The following PAPPA variants were observed in gnomAD, a reference collection of about 807,000 sequenced individuals.
PAPPA encodes pappalysin-1.
A neutral mutation model predicts 164.0 loss-of-function variants in PAPPA; 60 were observed. The observed-to-expected ratio is 0.37, with a 90% confidence interval of 0.30 to 0.45. PAPPA has a LOEUF of 0.45. Among genes scored for constraint, PAPPA ranks in the 20% least tolerant of loss-of-function variants. PAPPA has a pLI of 1.00. For synonymous variants in PAPPA, 875 were observed against 814.1 expected (o/e 1.07, Z -1.27); for missense variants, 1,782 against 2,087.3 (o/e 0.85, Z 2.85).
At position 116,220,000 on chromosome 9, in the gene PAPPA, T is replaced by C; in HGVS notation, c.1982T>C (p.Leu661Pro). The C allele has an allele frequency of 6.2e-7, 1 of 1,614,122 alleles. No individual in the cohort carries two copies. The highest frequency in any genetic ancestry group is 8.5e-7 in the Non-Finnish European group (1 of 1,179,994). ...GCCAGAATGCACTGTTACCTGGACCTGGTCTACCAGGGCTGGCAGCCCTCC... is the reference window on the plus strand; with the variant it reads ...GCCAGAATGCACTGTTACCTGGACCCGGTCTACCAGGGCTGGCAGCCCTCC... ...QVARMHCYLD[L>P]VYQGWQPSRK... is the part of the protein sequence containing the mutation. The change falls in exon 5 of 22, where the codon CTG (leucine) becomes CCG (proline). Residue 661 changes from leucine to proline, a missense_variant. By Grantham distance (98) the Leu-to-Pro change is moderately conservative. Around this residue, in one of 2 missense-constraint regions of PAPPA, gnomAD observed 1,324 missense variants for 1,656.9 expected, o/e 0.80. Transcript: ENST00000328252.
In PAPPA at chr9:116,378,656, G is replaced by C. The variant is rs553079535; in HGVS notation, c.4677+1009G>C. ...AAAATTTGATGGAATGCCAAAACTG[G>C]GAAGGCTCTTAATTTGATCTAGCTC... On this transcript the variant is annotated intron_variant, in intron 20 of 21. Coordinates refer to ENST00000328252, the MANE Select transcript of PAPPA (RefSeq NM_002581.5). 2.0e-5 allele frequency among the ~76,000 whole-genome samples: 3 copies of C among 152,270 alleles called. No homozygotes were observed. The East Asian group carries it at 5.8e-4, about 29-fold the overall frequency.
chr9:116,334,703 A>G (rs764767754), intron 12 of PAPPA, among the ~76,000 whole-genome samples, 158 bp from the exon 13 acceptor site: 47 of 152,146 alleles, frequency 3.1e-4, no homozygotes, highest in Non-Finnish European at 6.0e-4. Context: ...AGACAAAGAA[A>G]CTTTCAATCA....
chr9:116,355,677 CA>C (rs1846344606), intron 17 of PAPPA, among the ~76,000 whole-genome samples: 1 of 152,188 alleles, frequency 6.6e-6, no homozygotes. Flanking sequence ...GTCATGTTAT[CA>C]AACTGAAACT....
At chr9:116,172,169 T>C (rs569576925) in intron 1 of PAPPA, among the ~76,000 whole-genome samples, 29 of 152,324 alleles carry the variant, frequency 1.9e-4, no homozygotes, top group African/African-American at 6.5e-4. Flanking sequence ...ATTTTCCAGA[T>C]GAAAGATGAG....
chr9:116,369,550 C>G (rs1456767870), intron 19 of PAPPA, among the ~76,000 whole-genome samples: 2 of 152,128 alleles, frequency 1.3e-5, no homozygotes, highest in Non-Finnish European at 2.9e-5. Flanking sequence ...TTGACTCACA[C>G]ACAAAACAGA....
At chr9:116,188,958 T>A (rs1844011162) in intron 2 of PAPPA, among the ~76,000 whole-genome samples, 1 of 152,216 alleles carries the variant, frequency 6.6e-6, no homozygotes, top group Non-Finnish European at 1.5e-5. Flanking sequence ...CTCAATAGTA[T>A]GTCTGTCATT....
At chr9:116,233,408 G>C (rs1844621927) in intron 6 of PAPPA, among the ~76,000 whole-genome samples, 1 of 152,200 alleles carries the variant, frequency 6.6e-6, no homozygotes, top group African/African-American at 2.4e-5. Flanking sequence ...CTCAGTGTGT[G>C]GGAAAGTAGA....
At chr9:116,329,993 G>T (rs1379598963) in intron 10 of PAPPA, among the ~76,000 whole-genome samples, 1 of 152,008 alleles carries the variant, frequency 6.6e-6, no homozygotes, top group East Asian at 1.9e-4. Flanking sequence ...CTTAATCCTT[G>T]TATATACTTT....
chr9:116,312,288 CTTTTTT>C (rs5900201), intron 10 of PAPPA, among the ~76,000 whole-genome samples: 5 of 129,630 alleles, frequency 3.9e-5, no homozygotes, highest in Admixed American at 1.6e-4. Context: ...TTCTTTCTTT[CTTTTTT>C]TTTTTTTTTT....
At position 116,187,458 on chromosome 9, in the gene PAPPA, A is replaced by G; in HGVS notation, c.720A>G (p.Leu240=). 6.2e-7 allele frequency: 1 copy of G among 1,614,184 alleles called. No individual in the cohort carries two copies. The highest frequency in any genetic ancestry group is 8.5e-7 in the Non-Finnish European group (1 of 1,180,046). Residue 240 remains leucine (L), a synonymous_variant, in exon 2 of 22, where the codon TTA becomes TTG. Coordinates refer to ENST00000328252, the MANE Select transcript of PAPPA (RefSeq NM_002581.5). The surrounding 1 kb of genome is among the most constrained non-coding windows in gnomAD (Gnocchi z 4.2). The part of the protein sequence containing the change: ...PLTQKCKVLM[L]GGSALNHNYR... ...CCCAGAAGTGCAAAGTGCTCATGTT[A>G]GGGGGCAGTGCCCTGAATCACAACT... is the stretch of plus-strand genomic sequence containing the variant.
chr9:116,242,637 C>T (rs10983086), intron 7 of PAPPA, among the ~76,000 whole-genome samples: 2 of 152,312 alleles, frequency 1.3e-5, no homozygotes, highest in East Asian at 1.9e-4. Context: ...TGAGCATTCT[C>T]GTACAAACAT....
intron 10 of PAPPA, among the ~76,000 whole-genome samples, chr9:116,320,858 G>C (rs1845846118): frequency 6.6e-6 from 1 of 152,106 alleles, no homozygotes; most frequent in Non-Finnish European, 1.5e-5. Context: ...AGGCATAAGA[G>C]GGAAGCAGGG....
chr9:116,212,533 G>A (rs1844321045), intron 4 of PAPPA, among the ~76,000 whole-genome samples: 1 of 152,116 alleles, frequency 6.6e-6, no homozygotes, highest in African/African-American at 2.4e-5. Flanking sequence ...AAGAGTTTTT[G>A]TGTTAGTCAC....
chr9:116,153,827 G>A lies in PAPPA; in HGVS notation c.-346G>A, dbSNP rs1843562760. 1 of 155,700 alleles carries A rather than the reference G, an allele frequency of 6.4e-6. No homozygotes were observed. The highest frequency in any genetic ancestry group is 2.4e-5 in the African/African-American group (1 of 41,358). The allele number at this position is 155,700 out of a possible 1,614,324, so 9.6% of individuals were successfully genotyped here. On this transcript the variant is annotated 5_prime_UTR_variant, in exon 1 of 22. Coordinates refer to ENST00000328252, the MANE Select transcript of PAPPA (RefSeq NM_002581.5). ...TGGGGGGAGGGAATTCAGCGGATCA[G>A]TCTTAAGAGGAGCTTTTTTTTGGAG...
At chr9:116,207,818 A>T (rs181549252) in intron 3 of PAPPA, among the ~76,000 whole-genome samples, 3 of 152,348 alleles carry the variant, frequency 2.0e-5, no homozygotes, top group African/African-American at 7.2e-5. Flanking sequence ...CCATATTATT[A>T]ACCATGTTTT....
intron 4 of PAPPA, among the ~76,000 whole-genome samples, chr9:116,217,342 T>G (rs1050244945): frequency 1.3e-5 from 2 of 152,180 alleles, no homozygotes; most frequent in South Asian, 2.1e-4. Context: ...ACGAGGGAAC[T>G]GAGTCTTCAA....
At chr9:116,297,584 A>G (rs753170323) in intron 9 of PAPPA, among the ~76,000 whole-genome samples, 1 of 152,174 alleles carries the variant, frequency 6.6e-6, no homozygotes, top group African/African-American at 2.4e-5. Context: ...TTGTCCACCA[A>G]TTGTGTTGAA....
chr9:116,215,337 T>C (rs937844561), intron 4 of PAPPA, among the ~76,000 whole-genome samples: 2 of 152,174 alleles, frequency 1.3e-5, no homozygotes, highest in Non-Finnish European at 2.9e-5. Flanking sequence ...CACTTAGAAC[T>C]GTTGTTGTTC....
At chr9:116,239,536 G>A (rs1389514550) in intron 7 of PAPPA, among the ~76,000 whole-genome samples, 1 of 152,126 alleles carries the variant, frequency 6.6e-6, no homozygotes, top group Non-Finnish European at 1.5e-5. Flanking sequence ...GTACCCAGAG[G>A]AAACCTCACT....
Sources: gnomAD v4.1 joint callset for allele counts (sites outside exome capture counted in the v4.1 genomes callset) on GRCh38, gnomAD v4.1.1 for gene constraint, gnomAD v4.1.1 regional missense constraint, Gnocchi (gnomAD v3.1) non-coding constraint, MANE v1.5 for transcripts, NCBI Gene and HGNC (gene_info 2026-07-23, HGNC 2026-07-21) for gene names.